AHR: variants seen among roughly 807,000 people sequenced by gnomAD.
AHR encodes the protein aryl hydrocarbon receptor.
A neutral mutation model predicts 86.8 loss-of-function variants in AHR; 40 were observed. That is an observed-to-expected ratio of 0.46 (90% CI 0.36 to 0.60). AHR has a LOEUF of 0.60. Ranked by LOEUF, AHR falls within the 20% of genes least tolerant of loss-of-function variation. The probability of loss-of-function intolerance (pLI) is 0.00; values close to 1 mark genes in which losing one functional copy is unlikely to be tolerated. For missense variants in AHR, 1,001 were observed against 1,011.6 expected (o/e 0.99, Z 0.14); for synonymous variants, 398 against 354.9 (o/e 1.12, Z -1.37).
intron 2 of AHR, among the ~76,000 whole-genome samples, chr7:17,311,322 G>T (rs1210962089): frequency 6.6e-6 from 1 of 152,100 alleles, no homozygotes; most frequent in African/African-American, 2.4e-5. Flanking sequence ...TTAAGATGCA[G>T]ATTCTTGTTC....
Position 17,333,921 on chromosome 7 carries a change from T to G in AHR, c.715T>G (p.Phe239Val). The G allele has an allele frequency of 6.2e-7, 1 of 1,612,630 alleles. No individual in the cohort carries two copies. The highest frequency in any genetic ancestry group is 8.5e-7 in the Non-Finnish European group (1 of 1,179,030). ...DNSSGFLAMNFQGKLKYLHGQ... is the reference protein window; with the variant it reads ...DNSSGFLAMNVQGKLKYLHGQ... ...TTGTTGCTTTTTTAAGGCAATGAAT[T>G]TCCAAGGGAAGTTAAAGTATCTTCA... The change falls in exon 7 of 11, where the codon TTC becomes GTC. Residue 239 changes from phenylalanine to valine, a missense_variant. Physicochemically the swap from Phe to Val is conservative, Grantham distance 50 (BLOSUM62 -1). This residue lies in a region of AHR where 394 missense variants were observed against 468.5 expected (regional missense o/e 0.84). Transcript: ENST00000242057.
chr7:17,327,755 G>T lies in AHR; in HGVS notation c.361-4G>T, dbSNP rs201628252. ...ACTAATTTTAGAACTTCCTTTCCTT[G>T]TAGGCTCTGAATGGCTTTGTATTAG... On this transcript the variant is annotated splice_region_variant and splice_polypyrimidine_tract_variant and intron_variant, in intron 3 of 10. Coordinates refer to ENST00000242057, the MANE Select transcript of AHR (RefSeq NM_001621.5). 5 of 1,541,154 alleles carry T rather than the reference G, an allele frequency of 3.2e-6. No individual in the cohort carries two copies. In the Admixed American group the frequency reaches 8.7e-5, roughly 27 times the overall value.
rs1782445474 is a variant in AHR, at chr7:17,343,269, C to G, written c.*205C>G. 2 of 603,024 alleles carry G rather than the reference C, an allele frequency of 3.3e-6. No individual in the cohort carries two copies. Among genetic ancestry groups the G allele is most frequent in the African/African-American group, 3.8e-5 (2 of 52,900 alleles). 37.4% of individuals were successfully genotyped at this position (603,024 alleles called of 1,614,324 possible). ...GTATCAAAATTACATATACTACAGT[C>G]AAGATAGAAAGGGTGCTGCCACGGA... is the stretch of plus-strand genomic sequence containing the variant. On this transcript the variant is annotated 3_prime_UTR_variant, in exon 11 of 11. Coordinates refer to ENST00000242057, the MANE Select transcript of AHR (RefSeq NM_001621.5).
intron 6 of AHR, 149 bp from the exon 7 acceptor site, chr7:17,333,763 G>A: frequency 1.6e-6 from 1 of 626,542 alleles, no homozygotes; most frequent in African/African-American, 1.8e-5. Context: ...CATGGAGAGA[G>A]GAGTGAAGGA....
chr7:17,319,851 T>C (rs1782151169), intron 2 of AHR, among the ~76,000 whole-genome samples: 1 of 152,116 alleles, frequency 6.6e-6, no homozygotes, highest in Admixed American at 6.6e-5. Context: ...TGACATAAAA[T>C]GTTTCCTGAA....
chr7:17,304,810 T>A (rs1038675849), intron 1 of AHR, among the ~76,000 whole-genome samples: 1 of 152,148 alleles, frequency 6.6e-6, no homozygotes, highest in Admixed American at 6.6e-5. Flanking sequence ...ATATTTGAGA[T>A]GTACTAATTT....
At chr7:17,319,562 G>A (rs138502641) in intron 2 of AHR, among the ~76,000 whole-genome samples, 23 of 152,092 alleles carry the variant, frequency 1.5e-4, no homozygotes, top group Admixed American at 4.6e-4. Flanking sequence ...GATATAATAC[G>A]TGGAAAGTGC....
At chr7:17,301,559 T>TA (rs879905556) in intron 1 of AHR, among the ~76,000 whole-genome samples, 2 of 151,886 alleles carry the variant, frequency 1.3e-5, no homozygotes, top group African/African-American at 4.8e-5. Context: ...GACAGCCAAT[T>TA]AAATATAAAT....
At chr7:17,327,085 C>CA (rs1482204149) in intron 3 of AHR, among the ~76,000 whole-genome samples, 1 of 151,608 alleles carries the variant, frequency 6.6e-6, no homozygotes. Context: ...CCAAAGTAGG[C>CA]AAAACAGAGA....
In AHR at chr7:17,298,666, C is replaced by A. The variant is rs1233144877; in HGVS notation, c.-599C>A. On this transcript the variant is annotated 5_prime_UTR_variant, in exon 1 of 11. Coordinates refer to ENST00000242057, the MANE Select transcript of AHR (RefSeq NM_001621.5). ...CGGCGGGAGGCAGTGGCTGGGGAGT[C>A]CCGTCGACGCTCTGTTCCGAGAGCG... The A allele has an allele frequency of 5.1e-6, 2 of 394,994 alleles. No homozygotes were observed. Among genetic ancestry groups the A allele is most frequent in the African/African-American group, 2.1e-5 (1 of 48,400 alleles). 24.5% of individuals were successfully genotyped at this position (394,994 alleles called of 1,614,324 possible). A position where few individuals can be genotyped will look rare whatever the true frequency, so the allele number is the denominator to read the frequency against.
chr7:17,335,559 C>A, intron 8 of AHR, 86 bp from the exon 9 acceptor site: 2 of 1,158,692 alleles, frequency 1.7e-6, no homozygotes, highest in Non-Finnish European at 1.2e-6. Flanking sequence ...ACATCCAGAA[C>A]TATGTCACAA....
At chr7:17,315,679 T>G (rs536758440) in intron 2 of AHR, among the ~76,000 whole-genome samples, 21 of 152,040 alleles carry the variant, frequency 1.4e-4, no homozygotes, top group African/African-American at 5.1e-4. Context: ...TCTTAAGATA[T>G]TTCGTGAGGG....
intron 2 of AHR, among the ~76,000 whole-genome samples, chr7:17,318,113 T>C (rs1562477166): frequency 6.6e-6 from 1 of 152,132 alleles, no homozygotes; most frequent in East Asian, 1.9e-4. Flanking sequence ...AGTTAGGGAC[T>C]AAAAGGGGAT....
At chr7:17,309,848 A>G in intron 1 of AHR, 88 bp from the exon 2 acceptor site, 1 of 1,127,426 alleles carries the variant, frequency 8.9e-7, no homozygotes, top group South Asian at 2.3e-5. Flanking sequence ...TGTGTTAGAG[A>G]AATATTTGAG....
intron 8 of AHR, 89 bp from the exon 9 acceptor site, chr7:17,335,556 G>A (rs1782346055): frequency 1.8e-6 from 2 of 1,133,402 alleles, no homozygotes; most frequent in Non-Finnish European, 2.4e-6. Context: ...AATACATCCA[G>A]AACTATGTCA....
chr7:17,299,319 G>T lies in AHR; in HGVS notation c.55G>T (p.Val19Leu). 1.2e-6 allele frequency: 2 copies of T among 1,612,886 alleles called. No homozygotes were observed. The highest frequency in any genetic ancestry group is 1.7e-6 in the Non-Finnish European group (2 of 1,179,766). The change falls in exon 1 of 11, where the codon GTG (valine) becomes TTG (leucine). Residue 19 changes from valine to leucine, a missense_variant. Physicochemically the swap from Val to Leu is conservative, Grantham distance 32. Coordinates refer to ENST00000242057, the MANE Select transcript of AHR (RefSeq NM_001621.5). ...TYASRKRRKPVQKTVKPIPAE... is the reference protein window; with the variant it reads ...TYASRKRRKPLQKTVKPIPAE... Reference sequence around the variant, plus strand: ...CGCCAGTCGCAAGCGGCGGAAGCCGGTGCAGAAAACGTGAGTGTCCCGAGC... The same window carrying T: ...CGCCAGTCGCAAGCGGCGGAAGCCGTTGCAGAAAACGTGAGTGTCCCGAGC...
chr7:17,303,880 G>T (rs1374425318), intron 1 of AHR, among the ~76,000 whole-genome samples: 1 of 151,892 alleles, frequency 6.6e-6, no homozygotes, highest in East Asian at 1.9e-4. Flanking sequence ...ATCAATCTGG[G>T]GATGTGACTA....
chr7:17,322,604 A>T lies in AHR; in HGVS notation c.357A>T (p.Leu119Phe). Residue 119 changes from leucine to phenylalanine, a missense_variant, in exon 3 of 11, where the codon TTA (leucine) becomes TTT (phenylalanine). Physicochemically the swap from Leu to Phe is conservative, Grantham distance 22. Coordinates refer to ENST00000242057, the MANE Select transcript of AHR (RefSeq NM_001621.5). ...GLNLQEGEFL[L>F]QALNGFVLVV... ...ACTTACAAGAAGGAGAATTCTTATT[A>T]CAGGTAAATTTTAGTAAATATAGTT... The T allele has an allele frequency of 6.3e-7, 1 of 1,591,104 alleles. No homozygotes were observed. The highest frequency in any genetic ancestry group is 8.6e-7 in the Non-Finnish European group (1 of 1,160,340).
At chr7:17,321,509 T>C (rs1487060948) in intron 2 of AHR, among the ~76,000 whole-genome samples, 1 of 151,896 alleles carries the variant, frequency 6.6e-6, no homozygotes, top group Admixed American at 6.6e-5. Context: ...TGAAAGTGCT[T>C]GGCAAAATGT....
Sources: gnomAD v4.1 joint callset for allele counts (sites outside exome capture counted in the v4.1 genomes callset) on GRCh38, gnomAD v4.1.1 for gene constraint, gnomAD v4.1.1 regional missense constraint, MANE v1.5 for transcripts, NCBI Gene and HGNC (gene_info 2026-07-23, HGNC 2026-07-21) for gene names.